GRM8: variants seen among roughly 807,000 people sequenced by gnomAD.
GRM8 encodes the protein metabotropic glutamate receptor 8.
GRM8 carries 47 observed loss-of-function variants against 87.2 expected under a neutral mutation model. That is an observed-to-expected ratio of 0.54 (90% CI 0.43 to 0.69). The LOEUF (loss-of-function observed/expected upper bound fraction) is 0.69. GRM8 is among the 30% of genes least tolerant of loss of function. GRM8 has a pLI of 0.00. For missense variants in GRM8, 1,019 were observed against 1,139.2 expected, an observed-to-expected ratio of 0.89 and a Z score of 1.52; for synonymous variants, 396 against 404.5, an observed-to-expected ratio of 0.98 and a Z score of 0.25.
chr7:127,108,168 C>T (rs1296514960), intron 2 of GRM8, among the ~76,000 whole-genome samples: 1 of 152,142 alleles, frequency 6.6e-6, no homozygotes, highest in African/African-American at 2.4e-5. Context: ...ACAAATTTTT[C>T]CCCTGGTTAG....
chr7:126,776,466 C>T (rs1819488961), intron 6 of GRM8, among the ~76,000 whole-genome samples: 1 of 152,070 alleles, frequency 6.6e-6, no homozygotes, highest in African/African-American at 2.4e-5. Context: ...GCATCAAGAC[C>T]TCAATTAAAA....
intron 8 of GRM8, among the ~76,000 whole-genome samples, chr7:126,587,686 C>T (rs1386886268): frequency 9.0e-5 from 8 of 88,562 alleles, no homozygotes; most frequent in Non-Finnish European, 1.4e-4. Context: ...ATGGGATGGG[C>T]GGGGGGAGGG....
intron 9 of GRM8, 61 bp downstream of exon 9, chr7:126,532,891 C>T: frequency 1.1e-6 from 1 of 952,092 alleles, no homozygotes. Context: ...GGAGGAAAAG[C>T]ATCCTAAAAG....
intron 6 of GRM8, among the ~76,000 whole-genome samples, chr7:126,800,562 C>A (rs1822553759): frequency 6.6e-6 from 1 of 152,148 alleles, no homozygotes; most frequent in Admixed American, 6.6e-5. Context: ...AGCCTCTGAG[C>A]TTGCAGCTCA....
chr7:127,172,570 T>C (rs1793873288), intron 2 of GRM8, among the ~76,000 whole-genome samples: 1 of 151,874 alleles, frequency 6.6e-6, no homozygotes, highest in Admixed American at 6.6e-5. Flanking sequence ...TAGCCAGGTG[T>C]GGTGGCACAT....
intron 6 of GRM8, among the ~76,000 whole-genome samples, chr7:126,816,296 C>T (rs777286575): frequency 6.0e-4 from 92 of 152,214 alleles, no homozygotes; most frequent in Non-Finnish European, 9.4e-4. Flanking sequence ...GGCTTTACCA[C>T]CCTCCTGCCT....
intron 7 of GRM8, among the ~76,000 whole-genome samples, chr7:126,710,838 C>G (rs1314004516): frequency 6.6e-6 from 1 of 152,112 alleles, no homozygotes; most frequent in Non-Finnish European, 1.5e-5. Context: ...TTGCCTGGAT[C>G]CATAAGAAGA....
At chr7:126,944,909 T>C (rs1807367760) in intron 3 of GRM8, among the ~76,000 whole-genome samples, 1 of 152,204 alleles carries the variant, frequency 6.6e-6, no homozygotes, top group South Asian at 2.1e-4. Context: ...CAGAGAAATG[T>C]AAAATGACTA....
At position 126,529,689 on chromosome 7, in the gene GRM8, C is replaced by T. The variant is rs572939857; in HGVS notation, c.2430+3263G>A. Among the ~76,000 whole-genome samples the T allele has an allele frequency of 5.3e-5, 8 of 152,204 alleles. No homozygotes were observed. In the East Asian group the frequency reaches 1.5e-3, roughly 29 times the overall value. ...AGGTTGACAGTGTCATAACCCTTGT[C>T]TGATTATCTCGATTTTATGAGCCCA... On this transcript the variant is annotated intron_variant, in intron 9 of 10. Coordinates refer to ENST00000339582, the MANE Select transcript of GRM8 (RefSeq NM_000845.3).
At chr7:126,683,880 G>C (rs1263985996) in intron 7 of GRM8, among the ~76,000 whole-genome samples, 1 of 152,096 alleles carries the variant, frequency 6.6e-6, no homozygotes, top group Admixed American at 6.6e-5. Flanking sequence ...AATGAATTTG[G>C]ACTGCACTCC....
intron 2 of GRM8, among the ~76,000 whole-genome samples, chr7:127,165,591 CT>C (rs1327073249): frequency 6.6e-6 from 1 of 152,100 alleles, no homozygotes; most frequent in East Asian, 1.9e-4. Context: ...AAACATGGTG[CT>C]TTGTCACCGC....
At chr7:127,024,111 A>G (rs1176285265) in intron 3 of GRM8, among the ~76,000 whole-genome samples, 5 of 152,094 alleles carry the variant, frequency 3.3e-5, no homozygotes, top group Non-Finnish European at 5.9e-5. Flanking sequence ...GTTTTACATC[A>G]CTGCACTGCT....
intron 3 of GRM8, among the ~76,000 whole-genome samples, chr7:126,966,899 C>T (rs1586620559): frequency 6.6e-6 from 1 of 152,128 alleles, no homozygotes; most frequent in Admixed American, 6.5e-5. Context: ...GCAGGAACAG[C>T]GGTAGAGAGG....
chr7:127,132,119 A>G (rs1827720788), intron 2 of GRM8, among the ~76,000 whole-genome samples: 1 of 152,232 alleles, frequency 6.6e-6, no homozygotes, highest in African/African-American at 2.4e-5. Context: ...CTTCTCTGGG[A>G]TACAGCAAAT....
At chr7:126,903,502 T>C (rs977704054) in intron 5 of GRM8, among the ~76,000 whole-genome samples, 2 of 150,604 alleles carry the variant, frequency 1.3e-5, no homozygotes, top group African/African-American at 2.4e-5. Context: ...ACTAACATAA[T>C]GGAAATAACT....
chr7:126,551,014 T>C (rs1792528053), intron 8 of GRM8, among the ~76,000 whole-genome samples: 1 of 151,590 alleles, frequency 6.6e-6, no homozygotes. Context: ...AATAATAAAA[T>C]ACCATATTTA....
At chr7:126,772,140 G>A (rs555065194) in intron 6 of GRM8, among the ~76,000 whole-genome samples, 45 of 152,154 alleles carry the variant, frequency 3.0e-4, no homozygotes, top group African/African-American at 8.2e-4. Context: ...TGTTATTTCC[G>A]TATAGATTCT....
Position 126,467,783 on chromosome 7 carries a change from T to A in GRM8, c.2431-21411A>T, listed in dbSNP as rs998115284. Among the ~76,000 whole-genome samples, 4 of 152,074 alleles carry A rather than the reference T, an allele frequency of 2.6e-5. No individual in the cohort carries two copies. In the East Asian group the frequency reaches 7.7e-4, roughly 29 times the overall value. On this transcript the variant is annotated intron_variant, in intron 9 of 10. Transcript: ENST00000339582. Reference sequence around the variant, plus strand: ...AAATCAAATATGTTTAAGAATTTTTTAAAATTCCATTGCATACAAATATTC... The same window carrying A: ...AAATCAAATATGTTTAAGAATTTTTAAAAATTCCATTGCATACAAATATTC...
At position 126,447,696 on chromosome 7, in the gene GRM8, G is replaced by A. The variant is rs763269237; in HGVS notation, c.2431-1324C>T. On this transcript the variant is annotated intron_variant, in intron 9 of 10. Coordinates refer to ENST00000339582, the MANE Select transcript of GRM8 (RefSeq NM_000845.3). Reference sequence around the variant, plus strand: ...AGTGTTGCCTTTTCCTAGAGGAGAAGGTTTCTCTTAACAGATGGCAAAACC... The same window carrying A: ...AGTGTTGCCTTTTCCTAGAGGAGAAAGTTTCTCTTAACAGATGGCAAAACC... Among the ~76,000 whole-genome samples, 102 of 151,930 alleles carry A rather than the reference G, an allele frequency of 6.7e-4. 2 individuals are homozygous for A. Among genetic ancestry groups the A allele is most frequent in the Non-Finnish European group, 5.2e-4 (35 of 67,930 alleles).
Sources: gnomAD v4.1 joint callset for allele counts (sites outside exome capture counted in the v4.1 genomes callset) on GRCh38, gnomAD v4.1.1 for gene constraint, MANE v1.5 for transcripts, NCBI Gene and HGNC (gene_info 2026-07-23, HGNC 2026-07-21) for gene names.